Variants in ITGB8 observed in about 807,000 individuals in gnomAD.
ITGB8 encodes integrin subunit beta 8.
A neutral mutation model predicts 89.5 loss-of-function variants in ITGB8; 30 were observed. That is an observed-to-expected ratio of 0.34 (90% CI 0.25 to 0.45). ITGB8 has a LOEUF of 0.45. ITGB8 is among the 20% of genes least tolerant of loss of function. The probability of loss-of-function intolerance (pLI) is 1.00; values close to 1 mark genes in which losing one functional copy is unlikely to be tolerated. For synonymous variants in ITGB8, 335 were observed against 320.4 expected, an observed-to-expected ratio of 1.05 and a Z score of -0.49; for missense variants, 836 against 933.3, an observed-to-expected ratio of 0.90 and a Z score of 1.36.
intron 9 of ITGB8, among the ~76,000 whole-genome samples, chr7:20,399,519 G>A (rs1440721583): frequency 1.3e-5 from 2 of 151,034 alleles, no homozygotes; most frequent in Non-Finnish European, 2.9e-5. Flanking sequence ...GAAGGAGGTA[G>A]GGAAATTTAT....
intron 7 of ITGB8, among the ~76,000 whole-genome samples, chr7:20,392,216 TG>T (rs1400605483): frequency 6.6e-6 from 1 of 152,212 alleles, no homozygotes; most frequent in East Asian, 1.9e-4. Flanking sequence ...CATGAAGCTA[TG>T]ACACCCTAAT....
intron 1 of ITGB8, among the ~76,000 whole-genome samples, chr7:20,334,977 A>G (rs752523677): frequency 9.9e-5 from 15 of 152,212 alleles, no homozygotes; most frequent in Admixed American, 2.6e-4. Flanking sequence ...AAATGCATAC[A>G]GAATTAGAGA....
At chr7:20,393,559 G>C (rs1158812504) in intron 7 of ITGB8, among the ~76,000 whole-genome samples, 1 of 152,178 alleles carries the variant, frequency 6.6e-6, no homozygotes, top group Non-Finnish European at 1.5e-5. Flanking sequence ...CTGAATTAGA[G>C]GACCAAATCT....
At chr7:20,350,997 G>A (rs1463060361) in intron 1 of ITGB8, among the ~76,000 whole-genome samples, 1 of 152,214 alleles carries the variant, frequency 6.6e-6, no homozygotes, top group African/African-American at 2.4e-5. Flanking sequence ...TGCATAGAAA[G>A]GAAATGAATT....
At chr7:20,332,161 G>T (rs1052551360) in intron 1 of ITGB8, 4 of 944,064 alleles carry the variant, frequency 4.2e-6, no homozygotes, top group African/African-American at 1.7e-5. Context: ...GAGACACTCT[G>T]TGTTACTCCT....
At chr7:20,362,854 ATTGT>A (rs1785556228) in intron 1 of ITGB8, among the ~76,000 whole-genome samples, 1 of 152,184 alleles carries the variant, frequency 6.6e-6, no homozygotes, top group Non-Finnish European at 1.5e-5. Flanking sequence ...CCTTATTTTA[ATTGT>A]TTCAGCAGTT....
chr7:20,331,477 T>G lies in ITGB8; in HGVS notation c.-330T>G. 2.4e-6 allele frequency: 1 copy of G among 416,750 alleles called. No homozygotes were observed. Among genetic ancestry groups the G allele is most frequent in the Non-Finnish European group, 4.2e-6 (1 of 238,890 alleles). The allele number at this position is 416,750 out of a possible 1,614,324, so 25.8% of individuals were successfully genotyped here. On this transcript the variant is annotated 5_prime_UTR_variant, in exon 1 of 14. Transcript: ENST00000222573. ...CCGGCTGGAGAGAAACAAAAGCTCTTTTCTTTGTCCCGGAGCAGGCTGCGG... is the reference window on the plus strand; with the variant it reads ...CCGGCTGGAGAGAAACAAAAGCTCTGTTCTTTGTCCCGGAGCAGGCTGCGG...
chr7:20,348,191 G>T (rs546454770), intron 1 of ITGB8, among the ~76,000 whole-genome samples: 27 of 152,222 alleles, frequency 1.8e-4, no homozygotes, highest in African/African-American at 4.3e-4. Context: ...TGATAAGAAA[G>T]AATTAAAACA....
At chr7:20,394,677 A>C (rs1786998475) in intron 7 of ITGB8, among the ~76,000 whole-genome samples, 1 of 152,190 alleles carries the variant, frequency 6.6e-6, no homozygotes, top group South Asian at 2.1e-4. Flanking sequence ...TTCCGGATGC[A>C]CACACAGTCA....
rs1460420542 is a variant in ITGB8, at chr7:20,391,467, C to T, written c.1025C>T (p.Ala342Val). The T allele has an allele frequency of 1.2e-6, 2 of 1,601,410 alleles. No homozygotes were observed. Among genetic ancestry groups the T allele is most frequent in the African/African-American group, 1.3e-5 (1 of 74,346 alleles). Residue 342 changes from alanine to valine, a missense_variant, in exon 7 of 14, where the codon GCA becomes GTA. By Grantham distance (64) the Ala-to-Val change is moderately conservative (BLOSUM62 0). Transcript: ENST00000222573. ...LIDNNINVIF[A>V]VQGKQFHWYK... The stretch of plus-strand genomic sequence containing the variant: ...GACAACAACATTAATGTCATCTTTG[C>T]AGTTCAAGGAAAACAATTTCATTGG...
Position 20,414,374 on chromosome 7 carries a change from G to A in ITGB8, c.*4377G>A, listed in dbSNP as rs1583555921. ...CTTTACGTGAGTGCGAATGATTTCA[G>A]CAAACCCTAACTTAACTAACAAGAA... is the stretch of plus-strand genomic sequence containing the variant. On this transcript the variant is annotated 3_prime_UTR_variant, in exon 14 of 14. Transcript: ENST00000222573. The A allele has an allele frequency of 6.6e-6, 1 of 152,226 alleles. No homozygotes were observed. The highest frequency in any genetic ancestry group is 2.4e-5 in the African/African-American group (1 of 41,438). 9.4% of individuals were successfully genotyped at this position (152,226 alleles called of 1,614,324 possible).
At chr7:20,372,275 G>C (rs991441335) in intron 3 of ITGB8, among the ~76,000 whole-genome samples, 3 of 152,180 alleles carry the variant, frequency 2.0e-5, no homozygotes, top group Non-Finnish European at 4.4e-5. Flanking sequence ...ATATAATGAT[G>C]ATTTGGTCCT....
At chr7:20,381,025 T>C (rs1389939420) in intron 5 of ITGB8, 194 bp downstream of exon 5, 1 of 508,720 alleles carries the variant, frequency 2.0e-6, no homozygotes, top group Non-Finnish European at 3.4e-6. Context: ...CAGGGAGGGA[T>C]TTAAATAGGA....
chr7:20,383,786 G>A (rs759922872), intron 6 of ITGB8, among the ~76,000 whole-genome samples: 3 of 151,926 alleles, frequency 2.0e-5, no homozygotes, highest in Non-Finnish European at 4.4e-5. Flanking sequence ...TCAGGAAATT[G>A]GATGATTACA....
At chr7:20,346,387 A>G (rs1046606288) in intron 1 of ITGB8, among the ~76,000 whole-genome samples, 2 of 152,152 alleles carry the variant, frequency 1.3e-5, no homozygotes, top group African/African-American at 4.8e-5. Context: ...AGATAAGGAG[A>G]AAAGAGGGCT....
At chr7:20,399,863 AG>A (rs1787238651) in intron 9 of ITGB8, among the ~76,000 whole-genome samples, 1 of 152,158 alleles carries the variant, frequency 6.6e-6, no homozygotes, top group African/African-American at 2.4e-5. Flanking sequence ...AAAAAGAAAA[AG>A]TTATTGAAAG....
Position 20,411,207 on chromosome 7 carries a change from T to G in ITGB8, c.*1210T>G, listed in dbSNP as rs1020246739. ...TTCACTCTTGTCACCCAGGCTGAAG[T>G]GCAATGGCGCAATTAGGGTTCACTG... On this transcript the variant is annotated 3_prime_UTR_variant, in exon 14 of 14. Transcript: ENST00000222573. 3.0e-5 allele frequency: 4 copies of G among 133,340 alleles called. No homozygotes were observed. The highest frequency in any genetic ancestry group is 5.8e-5 in the African/African-American group (2 of 34,756). The allele number at this position is 133,340 out of a possible 1,614,324, so 8.3% of individuals were successfully genotyped here.
chr7:20,400,802 G>GA (rs1475525682), intron 9 of ITGB8, among the ~76,000 whole-genome samples: 1 of 152,110 alleles, frequency 6.6e-6, no homozygotes, highest in African/African-American at 2.4e-5. Context: ...ATTTGCAAAT[G>GA]AGAGTCCTAA....
chr7:20,412,513 A>G lies in ITGB8; in HGVS notation c.*2516A>G, dbSNP rs1583554150. 2 of 152,768 alleles carry G rather than the reference A, an allele frequency of 1.3e-5. No homozygotes were observed. The highest frequency in any genetic ancestry group is 1.3e-4 in the Admixed American group (2 of 15,302). 9.5% of individuals were successfully genotyped at this position (152,768 alleles called of 1,614,324 possible). ...ATGAATTATCCAAAAAGAGTATAAC[A>G]AAATGAAATCCTTAAAAATCCAGAG... On this transcript the variant is annotated 3_prime_UTR_variant, in exon 14 of 14. Coordinates refer to ENST00000222573, the MANE Select transcript of ITGB8 (RefSeq NM_002214.3).
Sources: gnomAD v4.1 joint callset for allele counts (sites outside exome capture counted in the v4.1 genomes callset) on GRCh38, gnomAD v4.1.1 for gene constraint, MANE v1.5 for transcripts, NCBI Gene and HGNC (gene_info 2026-07-23, HGNC 2026-07-21) for gene names.